The following FABP7 variants were observed in gnomAD, a reference collection of about 807,000 sequenced individuals.
FABP7 encodes the protein fatty acid-binding protein, brain.
A neutral mutation model predicts 14.2 loss-of-function variants in FABP7; 13 were observed. That is an observed-to-expected ratio of 0.91 (90% CI 0.59 to 1.45). FABP7 has a LOEUF of 1.45. Ranked by LOEUF, FABP7 falls within the 40% of genes most tolerant of loss-of-function variation. The pLI, the probability that FABP7 is intolerant of heterozygous loss-of-function variation, is 0.00. For missense variants in FABP7, 149 were observed against 157.6 expected, an observed-to-expected ratio of 0.95 and a Z score of 0.29; for synonymous variants, 49 against 51.4, an observed-to-expected ratio of 0.95 and a Z score of 0.20.
chr6:122,781,935 G>A (rs1780799902), intron 3 of FABP7: 1 of 489,012 alleles, frequency 2.0e-6, no homozygotes, highest in Admixed American at 6.4e-5. Flanking sequence ...GTAGAGATGG[G>A]ATTTCGCCAT....
At chr6:122,771,697 G>C in the FABP7 span, among the ~76,000 whole-genome samples, 1 of 152,274 alleles carries the variant, frequency 6.6e-6, no homozygotes, top group South Asian at 2.1e-4. Flanking sequence ...CCTAAAAACA[G>C]TGAGCCTTAA....
the FABP7 span, among the ~76,000 whole-genome samples, chr6:122,760,029 G>T: frequency 6.6e-6 from 1 of 151,548 alleles, no homozygotes; most frequent in Admixed American, 6.6e-5. Context: ...TGAGGCAGGA[G>T]AATTACTTGA....
Position 122,781,305 on chromosome 6 carries a change from C to T in FABP7, c.348+111C>T. 6 of 1,552,488 alleles carry T rather than the reference C, an allele frequency of 3.9e-6. No individual in the cohort carries two copies. In the South Asian group the frequency reaches 7.1e-5, roughly 18 times the overall value. ...TTCCATTCTTCCTCCTTCCTTCCTTCTTTAATAATACATCACTGGCAAGGT... is the reference window on the plus strand; with the variant it reads ...TTCCATTCTTCCTCCTTCCTTCCTTTTTTAATAATACATCACTGGCAAGGT... On this transcript the variant is annotated intron_variant, in intron 3 of 3. Coordinates refer to ENST00000368444, the MANE Select transcript of FABP7 (RefSeq NM_001446.5).
At chr6:122,772,718 C>T in the FABP7 span, among the ~76,000 whole-genome samples, 1 of 152,128 alleles carries the variant, frequency 6.6e-6, no homozygotes, top group East Asian at 1.9e-4. Flanking sequence ...CATGCCCGGC[C>T]AAGTCTATAC....
chr6:122,783,362 T>G, intron 3 of FABP7: 5 of 984,954 alleles, frequency 5.1e-6, no homozygotes, highest in Non-Finnish European at 6.0e-6. Flanking sequence ...AAAACTGTTA[T>G]GTAAACCTAT....
chr6:122,780,175 T>C (rs1780747982), intron 1 of FABP7, 116 bp from the exon 2 acceptor site: 1 of 1,109,476 alleles, frequency 9.0e-7, no homozygotes, highest in Non-Finnish European at 1.3e-6. Context: ...GGGCTAATCA[T>C]GTTCTAATGA....
chr6:122,763,196 G>T, the FABP7 span, among the ~76,000 whole-genome samples: 1 of 152,110 alleles, frequency 6.6e-6, no homozygotes, highest in Non-Finnish European at 1.5e-5. Flanking sequence ...CAGATATATA[G>T]ATCAATGGAA....
At chr6:122,777,098 C>CT (rs750517471), upstream of FABP7, among the ~76,000 whole-genome samples, 109 of 152,184 alleles carry the variant, frequency 7.2e-4, no homozygotes, top group Non-Finnish European at 1.4e-3. Context: ...CTATAAAGGG[C>CT]TAAGATGAAG....
the FABP7 span, among the ~76,000 whole-genome samples, chr6:122,770,183 A>G: frequency 4.9e-3 from 743 of 152,208 alleles, 10 homozygotes; most frequent in Non-Finnish European, 5.7e-3. Flanking sequence ...TTGGAAGAGG[A>G]ATTTTTAATG....
chr6:122,753,042 C>G, the FABP7 span, among the ~76,000 whole-genome samples: 2 of 152,164 alleles, frequency 1.3e-5, no homozygotes, highest in Non-Finnish European at 2.9e-5. Flanking sequence ...TTACTCTAGA[C>G]AAAATGCTTA....
the FABP7 span, among the ~76,000 whole-genome samples, chr6:122,749,979 C>T: frequency 6.6e-6 from 1 of 152,110 alleles, no homozygotes; most frequent in Non-Finnish European, 1.5e-5. Flanking sequence ...ATTTATGTTA[C>T]TTCTAGACAT....
rs1582518367 is a variant in FABP7, at chr6:122,779,830, C to G, written c.36C>G (p.Thr12=). ...CTTTCTGTGCTACCTGGAAGCTGAC[C>G]AACAGTCAGAACTTTGATGAGTACA... ...VEAFCATWKL[T]NSQNFDEYMK... is the part of the protein sequence containing the mutation. Residue 12 remains threonine, a synonymous_variant, in exon 1 of 4, where the codon ACC becomes ACG. Coordinates refer to ENST00000368444, the MANE Select transcript of FABP7 (RefSeq NM_001446.5). 6.2e-7 allele frequency: 1 copy of G among 1,613,946 alleles called. No individual in the cohort carries two copies. The highest frequency in any genetic ancestry group is 8.5e-7 in the Non-Finnish European group (1 of 1,180,020).
chr6:122,751,253 G>A, the FABP7 span, among the ~76,000 whole-genome samples: 1 of 152,178 alleles, frequency 6.6e-6, no homozygotes, highest in African/African-American at 2.4e-5. Context: ...ATCATAGGGT[G>A]GTTGTGAGAA....
At chr6:122,777,354 C>T (rs1780691615), upstream of FABP7, among the ~76,000 whole-genome samples, 3 of 152,004 alleles carry the variant, frequency 2.0e-5, no homozygotes, top group South Asian at 6.2e-4. Context: ...ATCCTAAGCA[C>T]CCCCACATAC....
chr6:122,756,481 G>T, the FABP7 span, among the ~76,000 whole-genome samples: 1 of 152,166 alleles, frequency 6.6e-6, no homozygotes. Flanking sequence ...CAACATATAT[G>T]CATCTGTAGC....
the FABP7 span, among the ~76,000 whole-genome samples, chr6:122,771,059 G>A: frequency 0.014 from 2,182 of 152,310 alleles, 52 homozygotes; most frequent in African/African-American, 0.048. Flanking sequence ...CAGCCCATAT[G>A]GTGTGGTTTT....
chr6:122,752,315 A>G, the FABP7 span, among the ~76,000 whole-genome samples: 1 of 152,234 alleles, frequency 6.6e-6, no homozygotes, highest in Non-Finnish European at 1.5e-5. Flanking sequence ...TTCTGTACAG[A>G]ATCTATTTCA....
chr6:122,780,112 T>C (rs1780746793), intron 1 of FABP7, among the ~76,000 whole-genome samples, 179 bp from the exon 2 acceptor site: 1 of 152,228 alleles, frequency 6.6e-6, no homozygotes, highest in South Asian at 2.1e-4. Flanking sequence ...TCTGACTTTT[T>C]TGGTTTTCTT....
rs774095283 is a variant in FABP7, at chr6:122,780,460, T to TAAGGTGAGAAACTGC, written c.244_246+12dup. The TAAGGTGAGAAACTGC allele has an allele frequency of 8.7e-6, 14 of 1,609,968 alleles. No individual in the cohort carries two copies. The highest frequency in any genetic ancestry group is 1.0e-5 in the Non-Finnish European group (12 of 1,179,020). ...AAACCACTGCAGATGATAGAAACTG[T>TAAGGTGAGAAACTGC]AAGGTGAGAAACTGCTTCTTCTTCA... On this transcript the variant is annotated inframe_insertion, in exon 2 of 4. Transcript: ENST00000368444.
Sources: gnomAD v4.1 joint callset for allele counts (sites outside exome capture counted in the v4.1 genomes callset) on GRCh38, gnomAD v4.1.1 for gene constraint, MANE v1.5 for transcripts, NCBI Gene and HGNC (gene_info 2026-07-23, HGNC 2026-07-21) for gene names.